PRIM2: variants seen among roughly 807,000 people sequenced by gnomAD.
PRIM2 encodes DNA primase subunit 2, also known as DNA primase large subunit.
Under a neutral mutation model 67.3 loss-of-function variants are expected in PRIM2, and 39 were observed. The ratio of observed to expected loss-of-function variants is 0.58; its 90% CI spans 0.45 to 0.76. The LOEUF is 0.76. Ranked by LOEUF, PRIM2 falls within the 30% of genes least tolerant of loss-of-function variation. The pLI is 0.00. For missense variants in PRIM2, 398 were observed against 598.7 expected, an observed-to-expected ratio of 0.66 and a Z score of 3.50; for synonymous variants, 143 against 198.7, an observed-to-expected ratio of 0.72 and a Z score of 2.36.
intron 5 of PRIM2, among the ~76,000 whole-genome samples, chr6:57,350,374 T>TTTTA (rs1768821549): frequency 3.3e-5 from 5 of 152,220 alleles, no homozygotes; most frequent in Admixed American, 2.6e-4. Context: ...TCAAAATTAA[T>TTTTA]TTTATTTATT....
chr6:57,230,413 A>T, the PRIM2 span, among the ~76,000 whole-genome samples: 3 of 151,894 alleles, frequency 2.0e-5, no homozygotes, highest in African/African-American at 7.3e-5. Flanking sequence ...ACCACTGGGG[A>T]TTCCCCTTTC....
At chr6:57,521,931 C>T (rs1248007401) in intron 8 of PRIM2, among the ~76,000 whole-genome samples, 5 of 151,484 alleles carry the variant, frequency 3.3e-5, no homozygotes, top group African/African-American at 1.2e-4. Flanking sequence ...CTGTAAGCCA[C>T]ATTTGCATCC....
chr6:57,337,291 G>C (rs1223487183), intron 5 of PRIM2, among the ~76,000 whole-genome samples: 2 of 152,054 alleles, frequency 1.3e-5, no homozygotes, highest in Non-Finnish European at 2.9e-5. Flanking sequence ...GTCAACATTA[G>C]ACAGATCAAC....
At chr6:57,320,868 C>G (rs1235282614) in intron 3 of PRIM2, among the ~76,000 whole-genome samples, 1 of 152,120 alleles carries the variant, frequency 6.6e-6, no homozygotes. Flanking sequence ...TCCAGACATG[C>G]CAAATGTATC....
At chr6:57,577,190 G>T (rs2127483528) in intron 10 of PRIM2, among the ~76,000 whole-genome samples, 1 of 152,220 alleles carries the variant, frequency 6.6e-6, no homozygotes, top group African/African-American at 2.4e-5. Flanking sequence ...TTCTTGGGTA[G>T]GTACAGGCCT....
chr6:57,578,649 C>T (rs1485318697), intron 10 of PRIM2, among the ~76,000 whole-genome samples: 1 of 150,858 alleles, frequency 6.6e-6, no homozygotes, highest in African/African-American at 2.4e-5. Flanking sequence ...GCTTTCTTGA[C>T]ACACCTCCTT....
At chr6:57,339,341 A>G (rs1768387249) in intron 5 of PRIM2, among the ~76,000 whole-genome samples, 1 of 152,176 alleles carries the variant, frequency 6.6e-6, no homozygotes, top group Admixed American at 6.5e-5. Flanking sequence ...TCTTCACAGA[A>G]TTGGAAAAAA....
At chr6:57,298,816 C>T in the PRIM2 span, among the ~76,000 whole-genome samples, 1 of 151,798 alleles carries the variant, frequency 6.6e-6, no homozygotes, top group Non-Finnish European at 1.5e-5. Flanking sequence ...AGGAGAAAAC[C>T]AAACCTAAAA....
the PRIM2 span, among the ~76,000 whole-genome samples, chr6:57,259,364 C>T: frequency 2.0e-5 from 3 of 152,038 alleles, no homozygotes; most frequent in Admixed American, 6.6e-5. Context: ...GTAGGTTGCC[C>T]TGGACATGTG....
chr6:57,536,348 A>G (rs1775002945), intron 9 of PRIM2, among the ~76,000 whole-genome samples: 1 of 152,246 alleles, frequency 6.6e-6, no homozygotes, highest in Non-Finnish European at 1.5e-5. Flanking sequence ...TTTTGGCACT[A>G]AGGCACTAAC....
chr6:57,427,665 T>C (rs1420932753), intron 7 of PRIM2, among the ~76,000 whole-genome samples: 2 of 152,180 alleles, frequency 1.3e-5, no homozygotes, highest in Non-Finnish European at 2.9e-5. Context: ...TTTATCAATG[T>C]CATTTGTATT....
rs56221202 is a variant in PRIM2 at position 57,380,935 on chromosome 6, C to T, written c.555+939C>T. ...CCTGTGTCTTCCTCCCCTCTCTCAG[C>T]TTTACAGATCTGGCTGCTGAGATTT... On this transcript the variant is annotated intron_variant, in intron 6 of 13. Coordinates refer to ENST00000615550, the MANE Select transcript of PRIM2 (RefSeq NM_000947.5). Among the ~76,000 whole-genome samples, 834 of 143,678 alleles carry T rather than the reference C, an allele frequency of 5.8e-3. 3 individuals are homozygous for T. Among genetic ancestry groups the T allele is most frequent in the African/African-American group, 0.016 (597 of 38,392 alleles). 94.3% of individuals were successfully genotyped at this position (143,678 alleles called of 152,430 possible).
chr6:57,547,255 T>A (rs1334258801), intron 10 of PRIM2, among the ~76,000 whole-genome samples: 12 of 152,346 alleles, frequency 7.9e-5, no homozygotes, highest in Non-Finnish European at 1.5e-4. Flanking sequence ...TTTTTATTTT[T>A]AAAATTTCAA....
At chr6:57,428,555 G>A (rs982318) in intron 7 of PRIM2, among the ~76,000 whole-genome samples, 3 of 152,142 alleles carry the variant, frequency 2.0e-5, no homozygotes, top group African/African-American at 4.8e-5. Flanking sequence ...TTGACAGCAT[G>A]CCTACAAGTA....
intron 10 of PRIM2, among the ~76,000 whole-genome samples, chr6:57,559,734 G>A (rs1775591168): frequency 1.3e-5 from 2 of 152,178 alleles, no homozygotes; most frequent in Non-Finnish European, 1.5e-5. Flanking sequence ...TGCTTTCCCA[G>A]TGCATATAAA....
chr6:57,313,113 C>T (rs914439713), upstream of PRIM2, among the ~76,000 whole-genome samples: 1 of 152,162 alleles, frequency 6.6e-6, no homozygotes, highest in Admixed American at 6.5e-5. Context: ...CTTCCATCTG[C>T]CTGAAATGCT....
At chr6:57,544,955 C>A (rs1356249001) in intron 10 of PRIM2, among the ~76,000 whole-genome samples, 1 of 152,170 alleles carries the variant, frequency 6.6e-6, no homozygotes, top group Non-Finnish European at 1.5e-5. Context: ...TCTACCAAAT[C>A]TTTAAAGTTT....
intron 10 of PRIM2, among the ~76,000 whole-genome samples, chr6:57,568,137 C>A (rs1775784652): frequency 1.3e-5 from 2 of 151,890 alleles, no homozygotes; most frequent in African/African-American, 4.8e-5. Flanking sequence ...AATATATAGT[C>A]CATATTATTT....
At chr6:57,267,152 A>G in the PRIM2 span, among the ~76,000 whole-genome samples, 1 of 152,246 alleles carries the variant, frequency 6.6e-6, no homozygotes, top group Admixed American at 6.5e-5. Context: ...TTCATTAATT[A>G]ATCAATGCAT....
Sources: allele counts gnomAD v4.1 joint callset (sites outside exome capture counted in the v4.1 genomes callset), GRCh38; gene constraint gnomAD v4.1.1; transcripts MANE v1.5; gene names NCBI Gene and HGNC (gene_info 2026-07-23, HGNC 2026-07-21).